Variants in RALGPS2 observed in about 807,000 individuals in gnomAD.
The protein encoded by RALGPS2 is Ral GEF with PH domain and SH3 binding motif 2, also known as ras-specific guanine nucleotide-releasing factor RalGPS2.
Under a neutral mutation model 86.8 loss-of-function variants are expected in RALGPS2, and 43 were observed. The observed-to-expected ratio is 0.50, with a 90% CI of 0.39 to 0.64. The LOEUF is 0.64. Ranked by LOEUF, RALGPS2 falls within the 30% of genes least tolerant of loss-of-function variation. RALGPS2 has a pLI of 0.00. For synonymous variants in RALGPS2, 243 were observed against 231.3 expected (o/e 1.05, Z -0.46); for missense variants, 536 against 694.6 (o/e 0.77, Z 2.57).
intron 1 of RALGPS2, among the ~76,000 whole-genome samples, chr1:178,776,355 C>G (rs1253061457): frequency 6.6e-6 from 1 of 152,138 alleles, no homozygotes; most frequent in African/African-American, 2.4e-5. Context: ...TACTTTGCCA[C>G]CTGTGTTTTT....
At chr1:178,799,254 T>G (rs957817198) in intron 4 of RALGPS2, among the ~76,000 whole-genome samples, 8 of 152,112 alleles carry the variant, frequency 5.3e-5, no homozygotes, top group African/African-American at 1.9e-4. Flanking sequence ...TTGGCCAGGC[T>G]GGTCTTGAAC....
At chr1:178,862,634 G>GATTTATTTAT (rs1466813784) in intron 8 of RALGPS2, among the ~76,000 whole-genome samples, 6 of 125,858 alleles carry the variant, frequency 4.8e-5, no homozygotes, top group South Asian at 2.8e-4. Context: ...TATTTATTTG[G>GATTTATTTAT]TTGGTTGGTT....
At chr1:178,733,438 A>G (rs1650507968) in intron 1 of RALGPS2, among the ~76,000 whole-genome samples, 1 of 152,236 alleles carries the variant, frequency 6.6e-6, no homozygotes, top group African/African-American at 2.4e-5. Context: ...TCAGAAAATG[A>G]ATTGTTCAGA....
At chr1:178,779,466 C>T (rs941887465) in intron 2 of RALGPS2, among the ~76,000 whole-genome samples, 1 of 152,070 alleles carries the variant, frequency 6.6e-6, no homozygotes, top group Non-Finnish European at 1.5e-5. Flanking sequence ...TTACTTAGGC[C>T]TTGATATCAC....
chr1:178,779,843 C>T (rs1037512255), intron 2 of RALGPS2, among the ~76,000 whole-genome samples: 1 of 152,204 alleles, frequency 6.6e-6, no homozygotes, highest in Non-Finnish European at 1.5e-5. Context: ...AAGCAATTCT[C>T]CTGCCTCAGC....
chr1:178,837,215 T>C (rs1656323230), intron 8 of RALGPS2, among the ~76,000 whole-genome samples: 1 of 152,244 alleles, frequency 6.6e-6, no homozygotes, highest in Non-Finnish European at 1.5e-5. Context: ...TCTATCTGTA[T>C]ATCTTAGCTA....
chr1:178,820,514 A>G (rs1336293008), intron 6 of RALGPS2, among the ~76,000 whole-genome samples: 1 of 152,128 alleles, frequency 6.6e-6, no homozygotes, highest in Non-Finnish European at 1.5e-5. Flanking sequence ...CTCAAGTGTC[A>G]TTTCTGGAAA....
chr1:178,824,151 G>A (rs1655637680), intron 7 of RALGPS2, among the ~76,000 whole-genome samples: 1 of 152,184 alleles, frequency 6.6e-6, no homozygotes, highest in African/African-American at 2.4e-5. Flanking sequence ...AATTGGAAAG[G>A]ATTGGTGACC....
chr1:178,819,975 C>T (rs1194264676), intron 6 of RALGPS2, among the ~76,000 whole-genome samples: 1 of 152,178 alleles, frequency 6.6e-6, no homozygotes, highest in Non-Finnish European at 1.5e-5. Flanking sequence ...TTTAGGAATA[C>T]ACTTTTTTCC....
intron 8 of RALGPS2, among the ~76,000 whole-genome samples, chr1:178,836,864 A>G (rs1656301033): frequency 6.6e-6 from 1 of 151,856 alleles, no homozygotes; most frequent in Admixed American, 6.6e-5. Context: ...CTGCAGCTTC[A>G]AACTTCTGGA....
chr1:178,827,766 A>G (rs565895861), intron 7 of RALGPS2, among the ~76,000 whole-genome samples: 1 of 152,206 alleles, frequency 6.6e-6, no homozygotes, highest in African/African-American at 2.4e-5. Flanking sequence ...TAAAATAGAC[A>G]TGTAGACCAA....
intron 4 of RALGPS2, among the ~76,000 whole-genome samples, chr1:178,791,216 G>A (rs1343950736): frequency 6.6e-6 from 1 of 151,898 alleles, no homozygotes; most frequent in African/African-American, 2.4e-5. Flanking sequence ...GATCTCCTGG[G>A]CTTAAGTGGT....
At chr1:178,851,975 A>G (rs1657202430) in intron 8 of RALGPS2, among the ~76,000 whole-genome samples, 1 of 152,158 alleles carries the variant, frequency 6.6e-6, no homozygotes, top group South Asian at 2.1e-4. Context: ...ATTTGAAATT[A>G]TGTGGATGGT....
chr1:178,814,584 T>A (rs926281656), intron 6 of RALGPS2, among the ~76,000 whole-genome samples: 1 of 152,158 alleles, frequency 6.6e-6, no homozygotes, highest in African/African-American at 2.4e-5. Flanking sequence ...TACAGGCATA[T>A]GCCACCACCT....
At chr1:178,759,679 G>C (rs1178957626) in intron 1 of RALGPS2, among the ~76,000 whole-genome samples, 2 of 151,836 alleles carry the variant, frequency 1.3e-5, no homozygotes, top group Non-Finnish European at 2.9e-5. Context: ...AGATTAGTTA[G>C]TGCAGACAAG....
chr1:178,800,937 T>G (rs1654438927), intron 4 of RALGPS2, among the ~76,000 whole-genome samples: 1 of 152,030 alleles, frequency 6.6e-6, no homozygotes, highest in African/African-American at 2.4e-5. Context: ...TCTTTTTTTT[T>G]TTTTTTGAGA....
At chr1:178,730,232 A>G (rs1018224912) in intron 1 of RALGPS2, among the ~76,000 whole-genome samples, 5 of 152,234 alleles carry the variant, frequency 3.3e-5, no homozygotes, top group East Asian at 1.9e-4. Flanking sequence ...GTGAGCCACC[A>G]TGCCTGGCCC....
chr1:178,905,273 A>G (rs910052401), intron 18 of RALGPS2, among the ~76,000 whole-genome samples: 1 of 152,178 alleles, frequency 6.6e-6, no homozygotes, highest in African/African-American at 2.4e-5. Context: ...GAGCATTTTC[A>G]TTGGATTTAG....
chr1:178,771,701 T>C (rs1242705097), intron 1 of RALGPS2, among the ~76,000 whole-genome samples: 3 of 152,196 alleles, frequency 2.0e-5, no homozygotes, highest in South Asian at 4.1e-4. Context: ...AGGGAAAAAT[T>C]GTCATAAACC....
Sources: allele counts gnomAD v4.1 joint callset (sites outside exome capture counted in the v4.1 genomes callset), GRCh38; gene constraint gnomAD v4.1.1; transcripts MANE v1.5; gene names NCBI Gene and HGNC (gene_info 2026-07-23, HGNC 2026-07-21).